MAP3K20: variants seen among roughly 807,000 people sequenced by gnomAD.
MAP3K20 encodes the protein mitogen-activated protein kinase kinase kinase 20, also known as HCCS-4.
In MAP3K20, 40 loss-of-function variants were observed where a neutral mutation model predicts 85.7. That is an observed-to-expected ratio of 0.47 (90% CI 0.36 to 0.61). The LOEUF (loss-of-function observed/expected upper bound fraction) is 0.61. MAP3K20 is among the 20% of genes least tolerant of loss of function. The probability of loss-of-function intolerance (pLI) is 0.00; values close to 1 mark genes in which losing one functional copy is unlikely to be tolerated. For missense variants in MAP3K20, 817 were observed against 961.7 expected, an observed-to-expected ratio of 0.85 and a Z score of 1.99; for synonymous variants, 325 against 327.7, an observed-to-expected ratio of 0.99 and a Z score of 0.09.
At chr2:173,237,977 C>T (rs1684693372) in intron 14 of MAP3K20, among the ~76,000 whole-genome samples, 1 of 152,074 alleles carries the variant, frequency 6.6e-6, no homozygotes, top group Non-Finnish European at 1.5e-5. Flanking sequence ...CCACAAAGAC[C>T]CCATCTCTAC....
intron 3 of MAP3K20, among the ~76,000 whole-genome samples, chr2:173,176,929 A>G (rs368488153): frequency 1.3e-5 from 2 of 152,232 alleles, no homozygotes; most frequent in African/African-American, 4.8e-5. Flanking sequence ...TACAGCAAAG[A>G]TAAGAAATAT....
chr2:173,114,589 T>C lies in MAP3K20; in HGVS notation c.159+23399T>C, dbSNP rs750371496. ...CAGCTCCTTTTAGCAGTTCTTGTAG[T>C]GGTGGCTTGGTAATGGCAAATTCTC... is the stretch of plus-strand genomic sequence containing the variant. On this transcript the variant is annotated intron_variant, in intron 2 of 19. Transcript: ENST00000375213. 2.0e-4 allele frequency among the ~76,000 whole-genome samples: 31 copies of C among 152,216 alleles called. 1 individual carries two copies. The highest frequency in any genetic ancestry group is 2.0e-3 in the Admixed American group (31 of 15,292).
chr2:173,135,109 T>C (rs1474848553), intron 2 of MAP3K20, among the ~76,000 whole-genome samples: 1 of 152,204 alleles, frequency 6.6e-6, no homozygotes, highest in Non-Finnish European at 1.5e-5. Flanking sequence ...AAAGAGGATG[T>C]ATTACTAATT....
chr2:173,134,416 A>AT (rs1559246056), intron 2 of MAP3K20, among the ~76,000 whole-genome samples: 11 of 6,380 alleles, frequency 1.7e-3, no homozygotes, highest in Middle Eastern at 0.17. Flanking sequence ...ATATATATAT[A>AT]TATATATATA....
At chr2:173,242,699 CTTT>C (rs68173816) in intron 16 of MAP3K20, among the ~76,000 whole-genome samples, 18 of 80,966 alleles carry the variant, frequency 2.2e-4, no homozygotes, top group African/African-American at 5.9e-4. Context: ...AGTAATCTTT[CTTT>C]TTTTTTTTTT....
intron 19 of MAP3K20, among the ~76,000 whole-genome samples, chr2:173,265,058 G>A (rs1164843492): frequency 6.6e-6 from 1 of 152,210 alleles, no homozygotes. Flanking sequence ...AACAACAGAA[G>A]AAGGCATTGT....
chr2:173,255,372 G>C (rs1685134255), intron 16 of MAP3K20, among the ~76,000 whole-genome samples: 1 of 152,178 alleles, frequency 6.6e-6, no homozygotes, highest in Non-Finnish European at 1.5e-5. Flanking sequence ...ATCTCCTCCA[G>C]CTTTGGAGTC....
At chr2:173,232,152 GTGTGAA>G (rs1684536715) in intron 12 of MAP3K20, 34 bp from the exon 13 acceptor site, 1 of 1,613,660 alleles carries the variant, frequency 6.2e-7, no homozygotes, top group Non-Finnish European at 8.5e-7. Flanking sequence ...CACTGACCAT[GTGTGAA>G]TCTTCAAAAC....
At chr2:173,160,439 A>G (rs1689624334) in intron 2 of MAP3K20, 1 of 152,206 alleles carries the variant, frequency 6.6e-6, no homozygotes, top group Non-Finnish European at 1.5e-5. Flanking sequence ...TTTATTTAAA[A>G]AAAGCCCTGG....
chr2:173,164,605 T>C (rs74265842), intron 2 of MAP3K20, among the ~76,000 whole-genome samples: 3,283 of 152,288 alleles, frequency 0.022, 61 homozygotes, highest in South Asian at 0.047. Context: ...CACAGAATCT[T>C]TTAAGGAGTC....
At chr2:173,243,079 T>C (rs1684829263) in intron 16 of MAP3K20, among the ~76,000 whole-genome samples, 1 of 152,202 alleles carries the variant, frequency 6.6e-6, no homozygotes, top group Non-Finnish European at 1.5e-5. Context: ...CTAAGGTAGA[T>C]GCTAGATTTT....
At chr2:173,226,913 C>T (rs1684406391) in intron 11 of MAP3K20, 1 of 984,632 alleles carries the variant, frequency 1.0e-6, no homozygotes, top group South Asian at 4.7e-5. Flanking sequence ...TTATTCTGAG[C>T]AAGTCCTATG....
chr2:173,151,838 A>T (rs935488855), intron 2 of MAP3K20, among the ~76,000 whole-genome samples: 2 of 152,230 alleles, frequency 1.3e-5, no homozygotes, highest in African/African-American at 4.8e-5. Context: ...ATGTATGTAA[A>T]GTGATGAGCC....
chr2:173,097,420 A>G (rs116650106), intron 2 of MAP3K20, among the ~76,000 whole-genome samples: 2,373 of 152,304 alleles, frequency 0.016, 57 homozygotes, highest in African/African-American at 0.054. Flanking sequence ...ACTCTTGTGT[A>G]TATTTGATAA....
intron 8 of MAP3K20, among the ~76,000 whole-genome samples, chr2:173,201,855 T>C (rs1298840200): frequency 2.0e-5 from 3 of 152,186 alleles, no homozygotes; most frequent in African/African-American, 7.2e-5. Flanking sequence ...TATTTGGCCA[T>C]GTCAGATTAT....
chr2:173,169,688 C>G (rs1328745813), intron 2 of MAP3K20, 117 bp from the exon 3 acceptor site: 7 of 966,138 alleles, frequency 7.2e-6, no homozygotes, highest in African/African-American at 1.7e-5. Context: ...CCACTGTACT[C>G]TAGCCTGGAC....
intron 2 of MAP3K20, among the ~76,000 whole-genome samples, chr2:173,112,931 T>C (rs946242370): frequency 2.0e-5 from 3 of 152,320 alleles, no homozygotes; most frequent in East Asian, 1.9e-4. Context: ...GCTGGCTTCA[T>C]AGAATGAATT....
chr2:173,229,478 A>G (rs1684470036), intron 11 of MAP3K20, among the ~76,000 whole-genome samples: 1 of 152,158 alleles, frequency 6.6e-6, no homozygotes. Context: ...CCCAAAGTAC[A>G]TGAATTGTTA....
At chr2:173,108,992 C>T (rs1342810113) in intron 2 of MAP3K20, among the ~76,000 whole-genome samples, 1 of 152,184 alleles carries the variant, frequency 6.6e-6, no homozygotes, top group Non-Finnish European at 1.5e-5. Flanking sequence ...TTCAATCATG[C>T]AAAGTACCTT....
Sources: gnomAD v4.1 joint callset for allele counts (sites outside exome capture counted in the v4.1 genomes callset) on GRCh38, gnomAD v4.1.1 for gene constraint, MANE v1.5 for transcripts, NCBI Gene and HGNC (gene_info 2026-07-23, HGNC 2026-07-21) for gene names.